Variants in CSMD1 observed in about 807,000 individuals in gnomAD.
The protein encoded by CSMD1 is CUB and sushi domain-containing protein 1.
Under a neutral mutation model 417.5 loss-of-function variants are expected in CSMD1, and 213 were observed. That is an observed-to-expected ratio of 0.51 (90% CI 0.46 to 0.57). CSMD1 has a LOEUF of 0.57. CSMD1 is among the 20% of genes least tolerant of loss of function. CSMD1 has a pLI of 0.00. For missense variants in CSMD1, 6,923 were observed against 4,529.7 expected (o/e 1.53, Z -15.17); for synonymous variants, 2,862 against 1,736.8 (o/e 1.65, Z -16.11).
At chr8:3,382,644 TAGAG>T (rs1335925461) in intron 18 of CSMD1, among the ~76,000 whole-genome samples, 7 of 147,338 alleles carry the variant, frequency 4.8e-5, no homozygotes, top group Admixed American at 1.4e-4. Context: ...TCTCTCTATA[TAGAG>T]ATAGATATAA....
At chr8:3,232,532 A>T (rs1798902251) in intron 26 of CSMD1, among the ~76,000 whole-genome samples, 1 of 152,176 alleles carries the variant, frequency 6.6e-6, no homozygotes, top group South Asian at 2.1e-4. Flanking sequence ...CTTATATAAA[A>T]TGCTGCTGCG....
At chr8:3,292,805 T>G (rs989965042) in intron 25 of CSMD1, among the ~76,000 whole-genome samples, 3 of 151,488 alleles carry the variant, frequency 2.0e-5, no homozygotes, top group African/African-American at 7.4e-5. Flanking sequence ...GTCTTTTAAT[T>G]GGAGCATTTA....
At chr8:3,630,107 T>C (rs1796704315) in intron 7 of CSMD1, among the ~76,000 whole-genome samples, 1 of 152,182 alleles carries the variant, frequency 6.6e-6, no homozygotes, top group Non-Finnish European at 1.5e-5. Context: ...AAATAGAAAG[T>C]TAATTGTAGC....
Position 4,170,383 on chromosome 8 carries a change from C to G in CSMD1, c.416-138284G>C, listed in dbSNP as rs535707070. On this transcript the variant is annotated intron_variant, in intron 3 of 69. Transcript: ENST00000635120. ...CGGATAATTTATGAAAAATTGAATTCAAGAGCCACCTGTGAAAAGCATATG... is the reference window on the plus strand; with the variant it reads ...CGGATAATTTATGAAAAATTGAATTGAAGAGCCACCTGTGAAAAGCATATG... 7.9e-5 allele frequency among the ~76,000 whole-genome samples: 12 copies of G among 151,984 alleles called. 1 individual carries two copies. In the South Asian group the frequency reaches 2.3e-3, roughly 29 times the overall value.
intron 5 of CSMD1, among the ~76,000 whole-genome samples, chr8:3,951,909 T>A (rs1324259318): frequency 6.6e-6 from 1 of 151,182 alleles, no homozygotes. Flanking sequence ...AAATCTTAAA[T>A]AACCAGTTTC....
chr8:3,824,602 G>A (rs1423116570), intron 5 of CSMD1, among the ~76,000 whole-genome samples: 2 of 152,038 alleles, frequency 1.3e-5, no homozygotes, highest in African/African-American at 2.4e-5. Context: ...AAAAACATAC[G>A]GTAAGATATT....
At chr8:4,077,198 T>C (rs1229523845) in intron 3 of CSMD1, among the ~76,000 whole-genome samples, 1 of 150,912 alleles carries the variant, frequency 6.6e-6, no homozygotes. Context: ...GAGAAGTCTC[T>C]AAATCCAGAT....
chr8:3,274,476 G>A (rs1295163793), intron 26 of CSMD1, among the ~76,000 whole-genome samples: 2 of 152,062 alleles, frequency 1.3e-5, no homozygotes, highest in African/African-American at 4.8e-5. Context: ...AAGTTCCTGG[G>A]TATGCTTGTT....
chr8:4,395,018 C>T lies in CSMD1; in HGVS notation c.415+24935G>A, dbSNP rs575019102. Among the ~76,000 whole-genome samples, 5 of 152,244 alleles carry T rather than the reference C, an allele frequency of 3.3e-5. No individual in the cohort carries two copies. In the South Asian group the frequency reaches 1.0e-3, roughly 32 times the overall value. The stretch of plus-strand genomic sequence containing the variant: ...CACAGCAGAGGAGGTAGACCCTTTC[C>T]CTCTGCGTGGCATATCCCATATCCC... On this transcript the variant is annotated intron_variant, in intron 3 of 69. Transcript: ENST00000635120.
intron 5 of CSMD1, among the ~76,000 whole-genome samples, chr8:3,910,737 G>A (rs1272799824): frequency 1.3e-5 from 2 of 152,236 alleles, no homozygotes; most frequent in East Asian, 1.9e-4. Context: ...AAAACACAAC[G>A]AATTCGGTGC....
In CSMD1 at chr8:3,690,357, A is replaced by C. The variant is rs182836364; in HGVS notation, c.1009+18057T>G. Among the ~76,000 whole-genome samples, 352 of 152,336 alleles carry C rather than the reference A, an allele frequency of 2.3e-3. 11 individuals are homozygous for C. Among genetic ancestry groups the C allele is most frequent in the Non-Finnish European group, 2.9e-4 (20 of 68,038 alleles). On this transcript the variant is annotated intron_variant, in intron 7 of 69. Coordinates refer to ENST00000635120, the MANE Select transcript of CSMD1 (RefSeq NM_033225.6). ...GGTGACAGAACGAGACTCTGTCTCA[A>C]AACAAAACAAAACAAAAATTACCTG...
chr8:4,948,137 T>A (rs1241647764), intron 1 of CSMD1, among the ~76,000 whole-genome samples: 1 of 152,070 alleles, frequency 6.6e-6, no homozygotes, highest in African/African-American at 2.4e-5. Flanking sequence ...TATACTACTA[T>A]CATCATGGTA....
chr8:4,033,654 G>C (rs536856310), intron 3 of CSMD1, among the ~76,000 whole-genome samples: 1 of 152,040 alleles, frequency 6.6e-6, no homozygotes, highest in Non-Finnish European at 1.5e-5. Flanking sequence ...CTGCGTCATG[G>C]GCCACTGATG....
At chr8:3,281,422 C>T (rs138203268) in intron 26 of CSMD1, among the ~76,000 whole-genome samples, 36 of 152,042 alleles carry the variant, frequency 2.4e-4, no homozygotes, top group South Asian at 1.7e-3. Flanking sequence ...CCAGCCTGGG[C>T]GACAAAGCAA....
chr8:4,787,719 T>C (rs1797480881), intron 1 of CSMD1: 7 of 1,590,396 alleles, frequency 4.4e-6, no homozygotes, highest in South Asian at 1.1e-5. Flanking sequence ...CTGCCAATAA[T>C]GACCCACAGT....
At chr8:4,490,309 G>T (rs982141857) in intron 2 of CSMD1, among the ~76,000 whole-genome samples, 1 of 152,012 alleles carries the variant, frequency 6.6e-6, no homozygotes, top group Non-Finnish European at 1.5e-5. Flanking sequence ...CAAAGTGCTG[G>T]GATTACAGGC....
At chr8:3,364,416 T>G (rs1014998365) in intron 20 of CSMD1, among the ~76,000 whole-genome samples, 12 of 152,230 alleles carry the variant, frequency 7.9e-5, no homozygotes, top group African/African-American at 2.9e-4. Context: ...TGAATTGTTC[T>G]GAATGTTTAC....
intron 3 of CSMD1, among the ~76,000 whole-genome samples, chr8:4,419,022 C>G (rs1797103233): frequency 6.6e-6 from 1 of 152,186 alleles, no homozygotes; most frequent in Admixed American, 6.5e-5. Context: ...CCCATTTGCA[C>G]AAACCACGTG....
intron 3 of CSMD1, among the ~76,000 whole-genome samples, chr8:4,071,953 G>A (rs1049051122): frequency 6.6e-6 from 1 of 152,216 alleles, no homozygotes. Context: ...CACAGTGTGG[G>A]GCTCTCCAGT....
Sources: gnomAD v4.1 joint callset for allele counts (sites outside exome capture counted in the v4.1 genomes callset) on GRCh38, gnomAD v4.1.1 for gene constraint, MANE v1.5 for transcripts, NCBI Gene and HGNC (gene_info 2026-07-23, HGNC 2026-07-21) for gene names.